The following CWC27 variants were observed in gnomAD, a reference collection of about 807,000 sequenced individuals.
CWC27 encodes the protein spliceosome-associated protein CWC27 homolog.
Under a neutral mutation model 63.6 loss-of-function variants are expected in CWC27, and 47 were observed. The ratio of observed to expected loss-of-function variants is 0.74; its 90% CI spans 0.58 to 0.94. CWC27 has a LOEUF of 0.94. Among genes scored for constraint, CWC27 ranks in the 40% least tolerant of loss-of-function variants. The pLI is 0.00. For missense variants in CWC27, 495 were observed against 554.3 expected (o/e 0.89, Z 1.07); for synonymous variants, 175 against 179.8 (o/e 0.97, Z 0.22).
intron 11 of CWC27, among the ~76,000 whole-genome samples, chr5:64,965,054 A>G (rs1159604660): frequency 6.6e-6 from 1 of 152,152 alleles, no homozygotes; most frequent in Non-Finnish European, 1.5e-5. Flanking sequence ...GCGCCATTGC[A>G]CTCCAGCCTG....
intron 11 of CWC27, among the ~76,000 whole-genome samples, chr5:64,907,261 A>G (rs761986942): frequency 2.3e-4 from 35 of 152,268 alleles, no homozygotes; most frequent in Non-Finnish European, 4.1e-4. Context: ...CTTGGGCAGT[A>G]TGGCCATTTT....
chr5:64,787,726 C>T (rs181392867), intron 6 of CWC27, among the ~76,000 whole-genome samples: 8 of 152,142 alleles, frequency 5.3e-5, no homozygotes, highest in Non-Finnish European at 5.9e-5. Flanking sequence ...TAGATTTCAA[C>T]GTACTCTTTT....
At chr5:64,866,715 TTCTC>T (rs1746539316) in intron 10 of CWC27, among the ~76,000 whole-genome samples, 1 of 152,076 alleles carries the variant, frequency 6.6e-6, no homozygotes, top group Admixed American at 6.6e-5. Flanking sequence ...TTTCCCAAAT[TTCTC>T]TCTATTATTG....
At chr5:64,908,775 G>A (rs528919296) in intron 11 of CWC27, among the ~76,000 whole-genome samples, 13 of 152,184 alleles carry the variant, frequency 8.5e-5, no homozygotes, top group Middle Eastern at 6.8e-3. Context: ...GCCTATGTGC[G>A]TCTCTGCACG....
At chr5:64,867,544 C>T (rs532903052) in intron 10 of CWC27, among the ~76,000 whole-genome samples, 4 of 152,168 alleles carry the variant, frequency 2.6e-5, no homozygotes, top group African/African-American at 9.6e-5. Context: ...GGTAAGACTG[C>T]AGTGAGTCTA....
At chr5:64,999,792 T>C (rs1307665931) in intron 13 of CWC27, among the ~76,000 whole-genome samples, 1 of 152,132 alleles carries the variant, frequency 6.6e-6, no homozygotes, top group Non-Finnish European at 1.5e-5. Flanking sequence ...AGTGCTGCAA[T>C]GAACATGTGG....
intron 10 of CWC27, among the ~76,000 whole-genome samples, chr5:64,840,384 AAAAAAAAAAAATATATAT>A (rs1297648984): frequency 6.0e-5 from 4 of 67,226 alleles, no homozygotes; most frequent in Non-Finnish European, 8.5e-5. Flanking sequence ...AAAAAAAAAA[AAAAAAAAAAAATATATAT>A]ATATATATAT....
At chr5:65,005,708 T>G (rs1749829897) in intron 13 of CWC27, among the ~76,000 whole-genome samples, 1 of 152,214 alleles carries the variant, frequency 6.6e-6, no homozygotes, top group South Asian at 2.1e-4. Flanking sequence ...CTGTAGTTTC[T>G]TAATTCCTAA....
rs556634605 is a variant in CWC27, at chr5:64,773,353, A to G, written c.43-1338A>G. ...CATTATGCTAAGTAAAAGAAGCCAG[A>G]CACAAAAGGCCACATATTGTATGAT... On this transcript the variant is annotated intron_variant, in intron 1 of 13. Coordinates refer to ENST00000381070, the MANE Select transcript of CWC27 (RefSeq NM_005869.4). Among the ~76,000 whole-genome samples, 15 of 152,316 alleles carry G rather than the reference A, an allele frequency of 9.8e-5. No homozygotes were observed. In the South Asian group the frequency reaches 2.9e-3, roughly 29 times the overall value.
intron 7 of CWC27, among the ~76,000 whole-genome samples, chr5:64,789,978 G>A (rs1744017285): frequency 6.6e-6 from 1 of 152,154 alleles, no homozygotes; most frequent in East Asian, 1.9e-4. Flanking sequence ...TTAGCCATAT[G>A]TTCCCTTATT....
At chr5:65,009,645 A>G (rs1256769654) in intron 13 of CWC27, among the ~76,000 whole-genome samples, 3 of 152,178 alleles carry the variant, frequency 2.0e-5, no homozygotes, top group Non-Finnish European at 4.4e-5. Flanking sequence ...GGAAGGAAGA[A>G]ACTAAAACTC....
chr5:64,958,623 G>A (rs769654937), intron 11 of CWC27, among the ~76,000 whole-genome samples: 13 of 152,030 alleles, frequency 8.6e-5, no homozygotes, highest in Admixed American at 2.0e-4. Context: ...GTATTTTCAA[G>A]TTTATATTTT....
intron 1 of CWC27, among the ~76,000 whole-genome samples, chr5:64,771,171 T>C (rs566826610): frequency 6.6e-6 from 1 of 152,248 alleles, no homozygotes; most frequent in Non-Finnish European, 1.5e-5. Flanking sequence ...AGCATAAGGC[T>C]CATCAAAGAT....
intron 10 of CWC27, among the ~76,000 whole-genome samples, chr5:64,809,462 G>A (rs992364852): frequency 2.6e-5 from 4 of 152,164 alleles, no homozygotes; most frequent in Non-Finnish European, 4.4e-5. Context: ...CTGCCTCATG[G>A]GTTCAAGCGT....
chr5:64,983,922 C>T (rs2112452387), intron 13 of CWC27, among the ~76,000 whole-genome samples: 1 of 152,222 alleles, frequency 6.6e-6, no homozygotes, highest in East Asian at 1.9e-4. Context: ...CCTGTGCCTC[C>T]CCAGGTTCAA....
intron 10 of CWC27, among the ~76,000 whole-genome samples, chr5:64,826,994 C>T (rs34485231): frequency 1.1e-3 from 175 of 152,180 alleles, no homozygotes; most frequent in Non-Finnish European, 2.0e-3. Context: ...CACTTTTAAG[C>T]AAATTGTAGT....
At chr5:64,990,703 C>A (rs1212626384) in intron 13 of CWC27, among the ~76,000 whole-genome samples, 1 of 152,166 alleles carries the variant, frequency 6.6e-6, no homozygotes, top group African/African-American at 2.4e-5. Flanking sequence ...GTCATACAAC[C>A]CTTACCCTAC....
intron 13 of CWC27, among the ~76,000 whole-genome samples, chr5:65,001,491 C>A (rs544197246): frequency 6.6e-6 from 1 of 152,040 alleles, no homozygotes; most frequent in Admixed American, 6.5e-5. Flanking sequence ...AGGTATGCTC[C>A]TTCCGTGCCT....
intron 10 of CWC27, among the ~76,000 whole-genome samples, chr5:64,864,604 T>G (rs1746491149): frequency 6.6e-6 from 1 of 152,180 alleles, no homozygotes; most frequent in Non-Finnish European, 1.5e-5. Flanking sequence ...TGTTAATATG[T>G]TTTATGGCAT....
Sources: allele counts gnomAD v4.1 joint callset (sites outside exome capture counted in the v4.1 genomes callset), GRCh38; gene constraint gnomAD v4.1.1; transcripts MANE v1.5; gene names NCBI Gene and HGNC (gene_info 2026-07-23, HGNC 2026-07-21).